The following RELN variants were observed in gnomAD, a reference collection of about 807,000 sequenced individuals.
The protein encoded by RELN is reelin.
A neutral mutation model predicts 427.6 loss-of-function variants in RELN; 108 were observed. The ratio of observed to expected loss-of-function variants is 0.25; its 90% CI spans 0.22 to 0.30. RELN has a LOEUF of 0.30. Among genes scored for constraint, RELN ranks in the 10% least tolerant of loss-of-function variants. The pLI is 1.00. For missense variants in RELN, 3,715 were observed against 4,302.8 expected (o/e 0.86, Z 3.82); for synonymous variants, 1,524 against 1,513.4 (o/e 1.01, Z -0.16).
intron 1 of RELN, among the ~76,000 whole-genome samples, chr7:103,986,955 TG>T (rs1797112383): frequency 6.6e-6 from 1 of 151,344 alleles, no homozygotes; most frequent in African/African-American, 2.4e-5. Flanking sequence ...TGTGTGTGTG[TG>T]TGTGTGTGTG....
chr7:103,483,630 G>A (rs1424023531), intron 62 of RELN, 23 bp downstream of exon 62: 1 of 1,609,420 alleles, frequency 6.2e-7, no homozygotes, highest in South Asian at 1.1e-5. Flanking sequence ...ATGAGACCAT[G>A]CCTTTCCATT....
intron 1 of RELN, among the ~76,000 whole-genome samples, chr7:103,952,332 C>A (rs2116766781): frequency 6.6e-6 from 1 of 152,322 alleles, no homozygotes. Flanking sequence ...CTACATACAA[C>A]TCCCTGTGAT....
intron 3 of RELN, among the ~76,000 whole-genome samples, chr7:103,779,247 G>A (rs1028548608): frequency 6.6e-6 from 1 of 152,136 alleles, no homozygotes; most frequent in African/African-American, 2.4e-5. Context: ...GGCTTTATAT[G>A]TTCTAATTAT....
intron 3 of RELN, among the ~76,000 whole-genome samples, chr7:103,798,980 T>C (rs528031182): frequency 2.2e-4 from 33 of 152,190 alleles, no homozygotes; most frequent in African/African-American, 7.7e-4. Context: ...CTATAGCCAT[T>C]CCCTCATGTA....
chr7:103,496,863 A>G (rs939188050), intron 55 of RELN, 95 bp from the exon 56 acceptor site: 9 of 1,415,126 alleles, frequency 6.4e-6, no homozygotes, highest in Non-Finnish European at 8.9e-6. Context: ...AACTTCCCAA[A>G]GAAATTTTCA....
intron 1 of RELN, among the ~76,000 whole-genome samples, chr7:103,970,062 A>C (rs4460305): frequency 0.7 from 106,428 of 152,010 alleles, 37,817 homozygotes; most frequent in African/African-American, 0.82. Flanking sequence ...CGGATACTCA[A>C]CCCCACACCT....
chr7:103,673,979 G>A (rs1562951055), intron 11 of RELN, among the ~76,000 whole-genome samples: 2 of 149,582 alleles, frequency 1.3e-5, no homozygotes, highest in South Asian at 4.2e-4. Context: ...TTTTAATCTT[G>A]GGAACTTCTC....
chr7:103,680,521 T>A (rs966473153), intron 11 of RELN, among the ~76,000 whole-genome samples: 4 of 152,010 alleles, frequency 2.6e-5, no homozygotes, highest in African/African-American at 9.6e-5. Context: ...TTTTTTTTTT[T>A]ATCAGCAGTC....
At chr7:103,575,513 C>G in intron 29 of RELN, 35 bp downstream of exon 29, 1 of 1,604,114 alleles carries the variant, frequency 6.2e-7, no homozygotes, top group Non-Finnish European at 8.5e-7. Flanking sequence ...GACTATTTTA[C>G]AATAAAACCC....
At chr7:103,610,597 T>C in intron 22 of RELN, 98 bp downstream of exon 22, 1 of 758,080 alleles carries the variant, frequency 1.3e-6, no homozygotes. Flanking sequence ...TTAACTTGCC[T>C]TCATATTCAA....
intron 4 of RELN, among the ~76,000 whole-genome samples, chr7:103,770,394 C>T (rs193093414): frequency 6.6e-6 from 1 of 152,252 alleles, no homozygotes; most frequent in Non-Finnish European, 1.5e-5. Context: ...CAGCCCAAAT[C>T]TTACAATAAC....
At chr7:103,602,952 C>A (rs771669642) in intron 24 of RELN, among the ~76,000 whole-genome samples, 12 of 152,264 alleles carry the variant, frequency 7.9e-5, no homozygotes, top group Middle Eastern at 3.4e-3. Context: ...CACTGACACA[C>A]CCTCCAAAGG....
chr7:103,675,727 A>G (rs1253054937), intron 11 of RELN, among the ~76,000 whole-genome samples: 1 of 152,238 alleles, frequency 6.6e-6, no homozygotes, highest in South Asian at 2.1e-4. Flanking sequence ...GCTTAGAAAT[A>G]ATACCACACA....
intron 48 of RELN, among the ~76,000 whole-genome samples, chr7:103,520,954 GTTATTTTT>G (rs1829687223): frequency 2.6e-5 from 2 of 78,190 alleles, no homozygotes; most frequent in Non-Finnish European, 4.9e-5. Context: ...CAGTAAATTT[GTTATTTTT>G]TTTTTTTTTT....
intron 10 of RELN, among the ~76,000 whole-genome samples, chr7:103,688,863 C>T (rs945184469): frequency 6.6e-6 from 1 of 152,038 alleles, no homozygotes; most frequent in Non-Finnish European, 1.5e-5. Flanking sequence ...TGCTGATTTA[C>T]CTAACGTCTG....
At chr7:103,689,010 C>T (rs1352725626) in intron 10 of RELN, among the ~76,000 whole-genome samples, 1 of 152,056 alleles carries the variant, frequency 6.6e-6, no homozygotes, top group Non-Finnish European at 1.5e-5. Context: ...TAAGATATGA[C>T]CCTTCTAAAT....
chr7:103,917,124 T>C lies in RELN; in HGVS notation c.288A>G (p.Thr96=), dbSNP rs1795500463. 1 of 1,613,476 alleles carries C rather than the reference T, an allele frequency of 6.2e-7. No individual in the cohort carries two copies. The highest frequency in any genetic ancestry group is 8.5e-7 in the Non-Finnish European group (1 of 1,179,738). The stretch of plus-strand genomic sequence containing the variant: ...CAATGCTCTGTGATGCCTGAACACT[T>C]GTAGATGTGTATAGTCCTGTCACCA... ...GLLVTGLYTS[T]SVQASQSIGG... is the part of the protein sequence containing the mutation. Residue 96 remains threonine, a synonymous_variant, in exon 2 of 65, where the codon ACA becomes ACG. Transcript: ENST00000428762.
rs1261480747 is a variant in RELN at position 103,915,663 on chromosome 7, C to G, written c.337+1412G>C. ...TTAAAAAATCACCAATGCTCAGGCCCTCACCCCCAGAGGTTTTAATTGGAC... is the reference window on the plus strand; with the variant it reads ...TTAAAAAATCACCAATGCTCAGGCCGTCACCCCCAGAGGTTTTAATTGGAC... On this transcript the variant is annotated intron_variant, in intron 2 of 64. Coordinates refer to ENST00000428762, the MANE Select transcript of RELN (RefSeq NM_005045.4). 3.3e-5 allele frequency among the ~76,000 whole-genome samples: 5 copies of G among 152,180 alleles called. No homozygotes were observed. In the East Asian group the frequency reaches 5.8e-4, roughly 18 times the overall value.
chr7:103,814,280 G>C (rs545902677), intron 3 of RELN, among the ~76,000 whole-genome samples: 10 of 152,220 alleles, frequency 6.6e-5, no homozygotes, highest in Non-Finnish European at 1.3e-4. Flanking sequence ...GATGGCAACA[G>C]AGAGAAGACA....
Sources: gnomAD v4.1 joint callset for allele counts (sites outside exome capture counted in the v4.1 genomes callset) on GRCh38, gnomAD v4.1.1 for gene constraint, MANE v1.5 for transcripts, NCBI Gene and HGNC (gene_info 2026-07-23, HGNC 2026-07-21) for gene names.